Variants in RBM46 observed in about 807,000 individuals in gnomAD.
The protein encoded by RBM46 is RNA binding motif protein 46.
RBM46 carries 12 observed loss-of-function variants against 43.3 expected under a neutral mutation model. The ratio of observed to expected loss-of-function variants is 0.28; its 90% CI spans 0.18 to 0.45. The LOEUF (loss-of-function observed/expected upper bound fraction) is 0.45, where lower values mean the gene tolerates loss of function less well. RBM46 is among the 20% of genes least tolerant of loss of function. The pLI, the probability that RBM46 is intolerant of heterozygous loss-of-function variation, is 1.00. For missense variants in RBM46, 412 were observed against 639.1 expected (o/e 0.64, Z 3.83); for synonymous variants, 205 against 207.6 (o/e 0.99, Z 0.11).
intron 4 of RBM46, among the ~76,000 whole-genome samples, chr4:154,819,012 T>C (rs529207937): frequency 6.6e-6 from 1 of 152,310 alleles, no homozygotes; most frequent in African/African-American, 2.4e-5. Context: ...ATGATCTAAA[T>C]ACCCTGTGGA....
intron 4 of RBM46, among the ~76,000 whole-genome samples, chr4:154,821,239 A>G (rs1157867369): frequency 6.6e-6 from 1 of 151,868 alleles, no homozygotes; most frequent in East Asian, 1.9e-4. Context: ...AAATTCAAAT[A>G]AGTGATACCA....
chr4:154,787,834 C>T (rs1733858653), intron 1 of RBM46, among the ~76,000 whole-genome samples: 1 of 152,200 alleles, frequency 6.6e-6, no homozygotes, highest in Admixed American at 6.5e-5. Flanking sequence ...TCCACATCCT[C>T]TCCAGCACCT....
intron 1 of RBM46, chr4:154,790,265 G>A (rs1160830575): frequency 1.3e-5 from 2 of 151,998 alleles, no homozygotes; most frequent in East Asian, 3.9e-4. Context: ...GTGATGTTAG[G>A]GTGTCAATTT....
chr4:154,799,490 T>G lies in RBM46; in HGVS notation c.1328T>G (p.Phe443Cys), dbSNP rs1734513441. The change falls in exon 4 of 5, where the codon TTC (phenylalanine) becomes TGC (cysteine). Residue 443 changes from phenylalanine (F) to cysteine (C), a missense_variant. By Grantham distance (205) the Phe-to-Cys change is radical. Coordinates refer to ENST00000281722, the MANE Select transcript of RBM46 (RefSeq NM_144979.5). ...PAIANGSQSY[F>C]MPDKLCTTLE... ...ATTGCAAATGGATCCCAGAGTTACT[T>G]CATGCCAGACAAACTCTGTACTACG... 1 of 1,612,896 alleles carries G rather than the reference T, an allele frequency of 6.2e-7. No individual in the cohort carries two copies. The highest frequency in any genetic ancestry group is 8.5e-7 in the Non-Finnish European group (1 of 1,179,508).
At chr4:154,823,396 A>G (rs1042443468) in intron 4 of RBM46, among the ~76,000 whole-genome samples, 1 of 151,940 alleles carries the variant, frequency 6.6e-6, no homozygotes, top group Non-Finnish European at 1.5e-5. Context: ...GTGGATGGAT[A>G]TGGTGGTAGA....
intron 1 of RBM46, among the ~76,000 whole-genome samples, chr4:154,785,089 G>GTT (rs113960868): frequency 1.3e-4 from 20 of 150,786 alleles, no homozygotes; most frequent in Admixed American, 1.2e-3. Flanking sequence ...TGAGATAAGG[G>GTT]TTTTTTTTTC....
At chr4:154,784,638 A>G (rs192445491) in intron 1 of RBM46, among the ~76,000 whole-genome samples, 1 of 152,332 alleles carries the variant, frequency 6.6e-6, no homozygotes, top group Admixed American at 6.5e-5. Flanking sequence ...AGAGTTAAAT[A>G]TGGCACAACT....
intron 4 of RBM46, among the ~76,000 whole-genome samples, chr4:154,818,819 A>AT (rs1208223828): frequency 6.6e-6 from 1 of 151,860 alleles, no homozygotes; most frequent in Non-Finnish European, 1.5e-5. Flanking sequence ...CTGTTTTGTA[A>AT]TTTTTTTATC....
chr4:154,826,575 G>C (rs1735974302), intron 4 of RBM46, among the ~76,000 whole-genome samples: 2 of 152,234 alleles, frequency 1.3e-5, no homozygotes, highest in Admixed American at 6.5e-5. Context: ...TTTCAAAATA[G>C]TGAAAATATT....
chr4:154,826,978 AAAT>A (rs1387529071), intron 4 of RBM46: 1 of 1,290,390 alleles, frequency 7.7e-7, no homozygotes, highest in African/African-American at 1.5e-5. Context: ...TAATGTTTCT[AAAT>A]AATGATTTTA....
intron 4 of RBM46, chr4:154,827,123 AT>A: frequency 1.0e-6 from 1 of 1,002,184 alleles, no homozygotes; most frequent in Non-Finnish European, 1.2e-6. Flanking sequence ...GAAACAGGAA[AT>A]TATTGATGCA....
At chr4:154,788,821 A>T (rs947493040) in intron 1 of RBM46, among the ~76,000 whole-genome samples, 1 of 152,088 alleles carries the variant, frequency 6.6e-6, no homozygotes, top group African/African-American at 2.4e-5. Flanking sequence ...ATGAGCATGG[A>T]ATGTTCTTCC....
chr4:154,786,822 G>A (rs563639166), intron 1 of RBM46, among the ~76,000 whole-genome samples: 1 of 152,152 alleles, frequency 6.6e-6, no homozygotes. Context: ...AGCTACTTGG[G>A]AGGCTGAGGA....
intron 4 of RBM46, among the ~76,000 whole-genome samples, chr4:154,817,207 T>C (rs1488378835): frequency 6.6e-6 from 1 of 152,146 alleles, no homozygotes; most frequent in Non-Finnish European, 1.5e-5. Flanking sequence ...TACATCGTTT[T>C]TGAATATGTG....
intron 4 of RBM46, among the ~76,000 whole-genome samples, chr4:154,822,525 C>T (rs17032077): frequency 2.0e-5 from 3 of 151,118 alleles, no homozygotes; most frequent in African/African-American, 7.3e-5. Context: ...TGTGTTTGAA[C>T]CCTGCCATAT....
intron 4 of RBM46, chr4:154,820,436 A>G (rs1016039254): frequency 1.3e-5 from 18 of 1,413,452 alleles, no homozygotes; most frequent in Non-Finnish European, 1.6e-5. Context: ...AGAGTTTATT[A>G]GGTAAAACTC....
chr4:154,803,646 T>C (rs549732543), intron 4 of RBM46, among the ~76,000 whole-genome samples: 121 of 124,792 alleles, frequency 9.7e-4, no homozygotes, highest in African/African-American at 3.5e-3. Flanking sequence ...GAGCTTGCAG[T>C]GAGCCGACAT....
At chr4:154,827,291 A>C (rs1015850033) in intron 4 of RBM46, 2 of 944,600 alleles carry the variant, frequency 2.1e-6, no homozygotes, top group Non-Finnish European at 2.5e-6. Context: ...AAGGTGATTC[A>C]TTATACTGTT....
intron 4 of RBM46, among the ~76,000 whole-genome samples, chr4:154,806,111 C>T (rs922807443): frequency 6.6e-6 from 1 of 151,730 alleles, no homozygotes; most frequent in Non-Finnish European, 1.5e-5. Flanking sequence ...GCTTAGTCCT[C>T]ATGAAAATGT....
Sources: allele counts gnomAD v4.1 joint callset (sites outside exome capture counted in the v4.1 genomes callset), GRCh38; gene constraint gnomAD v4.1.1; transcripts MANE v1.5; gene names NCBI Gene and HGNC (gene_info 2026-07-23, HGNC 2026-07-21).